The following TEC variants were observed in gnomAD, a reference collection of about 807,000 sequenced individuals.
TEC encodes the protein tec protein tyrosine kinase.
TEC carries 72 observed loss-of-function variants against 93.0 expected under a neutral mutation model. The observed-to-expected ratio is 0.77, with a 90% CI of 0.64 to 0.94. TEC has a LOEUF of 0.94. Ranked by LOEUF, TEC falls within the 40% of genes least tolerant of loss-of-function variation. TEC has a pLI of 0.00. For missense variants in TEC, 630 were observed against 757.9 expected, an observed-to-expected ratio of 0.83 and a Z score of 1.98; for synonymous variants, 249 against 247.7, an observed-to-expected ratio of 1.01 and a Z score of -0.05.
At chr4:48,176,221 A>G (rs1161554659) in intron 2 of TEC, 35 bp from the exon 3 acceptor site, 1 of 1,503,954 alleles carries the variant, frequency 6.6e-7, no homozygotes, top group Non-Finnish European at 9.2e-7. Flanking sequence ...CATTAGAATC[A>G]TAAGACATAA....
Position 48,238,250 on chromosome 4 carries a change from C to A in TEC, c.-45-9591G>T, listed in dbSNP as rs181985427. ...CACTGTACACCTCTGTCTTCCTGAG[C>A]TATTAAACAAAAGCACCATGTGATA... On this transcript the variant is annotated intron_variant, in intron 1 of 17. Coordinates refer to ENST00000381501, the MANE Select transcript of TEC (RefSeq NM_003215.3). Among the ~76,000 whole-genome samples the A allele has an allele frequency of 3.9e-5, 6 of 152,264 alleles. No individual in the cohort carries two copies. In the East Asian group the frequency reaches 1.2e-3, roughly 29 times the overall value.
intron 2 of TEC, among the ~76,000 whole-genome samples, chr4:48,180,129 C>T (rs566284030): frequency 3.9e-5 from 6 of 152,230 alleles, no homozygotes; most frequent in East Asian, 1.9e-4. Flanking sequence ...ATATCCTGTA[C>T]GGTTAGGCTG....
At chr4:48,267,617 G>A (rs6447625) in intron 1 of TEC, among the ~76,000 whole-genome samples, 70,115 of 152,096 alleles carry the variant, frequency 0.46, 17,422 homozygotes, top group East Asian at 0.57. Flanking sequence ...TGGCCCCCAA[G>A]ACTGTTGATC....
intron 9 of TEC, among the ~76,000 whole-genome samples, chr4:48,152,161 C>T (rs1720198847): frequency 6.6e-6 from 1 of 152,170 alleles, no homozygotes; most frequent in Non-Finnish European, 1.5e-5. Flanking sequence ...CACAGCGGCT[C>T]ATACCTGTAA....
chr4:48,151,327 T>C (rs1720155623), intron 9 of TEC, among the ~76,000 whole-genome samples: 1 of 152,182 alleles, frequency 6.6e-6, no homozygotes. Flanking sequence ...AATGATTGGG[T>C]TTCATTTCAT....
chr4:48,146,513 T>C (rs1002791356), intron 11 of TEC, 114 bp from the exon 12 acceptor site: 14 of 900,684 alleles, frequency 1.6e-5, no homozygotes, highest in African/African-American at 3.3e-5. Context: ...CTGCTCATCC[T>C]CTGTGTGTAC....
intron 1 of TEC, among the ~76,000 whole-genome samples, chr4:48,254,620 C>G (rs1444064659): frequency 1.3e-5 from 2 of 152,270 alleles, no homozygotes; most frequent in South Asian, 2.1e-4. Flanking sequence ...TCCGCCTACA[C>G]TGGCTGAGAT....
chr4:48,149,806 G>T, intron 10 of TEC, 116 bp from the exon 11 acceptor site: 1 of 1,015,260 alleles, frequency 9.8e-7, no homozygotes, highest in Non-Finnish European at 1.3e-6. Flanking sequence ...TCTATTCCTG[G>T]CACAAATTTT....
chr4:48,235,119 T>C lies in TEC; in HGVS notation c.-45-6460A>G, dbSNP rs1723751021. Among the ~76,000 whole-genome samples, 3 of 152,098 alleles carry C rather than the reference T, an allele frequency of 2.0e-5. No individual in the cohort carries two copies. In the South Asian group the frequency reaches 6.2e-4, roughly 32 times the overall value. Reference sequence around the variant, plus strand: ...GTAACATCAAGTTACTTCAGGTTACTTTTTTTGGTAAAGATTAAAACAGAG... The same window carrying C: ...GTAACATCAAGTTACTTCAGGTTACCTTTTTTGGTAAAGATTAAAACAGAG... On this transcript the variant is annotated intron_variant, in intron 1 of 17. Coordinates refer to ENST00000381501, the MANE Select transcript of TEC (RefSeq NM_003215.3).
intron 5 of TEC, among the ~76,000 whole-genome samples, chr4:48,168,831 C>G (rs939533541): frequency 1.3e-5 from 2 of 152,160 alleles, no homozygotes; most frequent in Non-Finnish European, 2.9e-5. Context: ...TTCTGCCTTT[C>G]TGAACGCACA....
Position 48,145,189 on chromosome 4 carries a change from G to A in TEC, c.1360C>T (p.Leu454Phe). 6.2e-7 allele frequency: 1 copy of A among 1,614,062 alleles called. No homozygotes were observed. Among genetic ancestry groups the A allele is most frequent in the Non-Finnish European group, 8.5e-7 (1 of 1,180,006 alleles). Residue 454 changes from leucine to phenylalanine, a missense_variant, in exon 14 of 18, where the codon CTC (leucine) becomes TTC (phenylalanine). Transcript: ENST00000381501. ...CTGAAATGACCTTGTCTCTGTCGGAGGAAATTCAGAAGGCAGCCCCTTTCC... is the reference window on the plus strand; with the variant it reads ...CTGAAATGACCTTGTCTCTGTCGGAAGAAATTCAGAAGGCAGCCCCTTTCC... ...FMERGCLLNF[L>F]RQRQGHFSRD... is the part of the protein sequence containing the mutation.
chr4:48,166,604 TA>T lies in TEC; in HGVS notation c.671+1173del, dbSNP rs1720881994. On this transcript the variant is annotated intron_variant, in intron 7 of 17. Transcript: ENST00000381501. ...ATATTCTAGAAAAAAATGGAAGGATTAGACTGGCAAAATGTTGGTAATTTTT... is the reference window on the plus strand; with the variant it reads ...ATATTCTAGAAAAAAATGGAAGGATTGACTGGCAAAATGTTGGTAATTTTT... Among the ~76,000 whole-genome samples the T allele has an allele frequency of 3.9e-5, 6 of 151,982 alleles. No homozygotes were observed. The South Asian group carries it at 1.2e-3, about 32-fold the overall frequency.
Position 48,179,376 on chromosome 4 carries a change from A to ATTTTT in TEC, c.139-3195_139-3191dup, listed in dbSNP as rs1159156668. Among the ~76,000 whole-genome samples, 16 of 21,162 alleles carry ATTTTT rather than the reference A, an allele frequency of 7.6e-4. 1 individual carries two copies. Among genetic ancestry groups the ATTTTT allele is most frequent in the South Asian group, 5.8e-3 (2 of 344 alleles). The allele number at this position is 21,162 out of a possible 152,430, so 13.9% of individuals were successfully genotyped here. A position where few individuals can be genotyped will look rare whatever the true frequency, so the allele number is the denominator to read the frequency against. ...TATATATATATATATATATATATATATTTTTTTTTTTTTTTTTTTTTTTTC... is the reference window on the plus strand; with the variant it reads ...TATATATATATATATATATATATATATTTTTTTTTTTTTTTTTTTTTTTTTTTTTC... On this transcript the variant is annotated intron_variant, in intron 2 of 17. Coordinates refer to ENST00000381501, the MANE Select transcript of TEC (RefSeq NM_003215.3).
At chr4:48,203,426 C>T (rs191885503) in intron 2 of TEC, among the ~76,000 whole-genome samples, 95 of 152,268 alleles carry the variant, frequency 6.2e-4, no homozygotes, top group Non-Finnish European at 3.4e-4. Flanking sequence ...TTTGCTCATT[C>T]TCAGAACTGT....
chr4:48,232,925 CAGA>C (rs1454899596), intron 1 of TEC, among the ~76,000 whole-genome samples: 1 of 152,204 alleles, frequency 6.6e-6, no homozygotes, highest in African/African-American at 2.4e-5. Context: ...GGAATTAAAG[CAGA>C]AGAATTGTTG....
At chr4:48,140,130 TC>T in intron 15 of TEC, among the ~76,000 whole-genome samples, 1 of 152,220 alleles carries the variant, frequency 6.6e-6, no homozygotes, top group Non-Finnish European at 1.5e-5. Context: ...GAAGTTCTGG[TC>T]CCATTTCTGA....
chr4:48,138,113 A>G (rs1033994453), intron 17 of TEC, among the ~76,000 whole-genome samples: 3 of 152,210 alleles, frequency 2.0e-5, no homozygotes, highest in Non-Finnish European at 4.4e-5. Context: ...TCTCATCTAC[A>G]GAGTGGCTAC....
At chr4:48,226,119 G>A (rs2109635197) in intron 2 of TEC, among the ~76,000 whole-genome samples, 2 of 152,070 alleles carry the variant, frequency 1.3e-5, no homozygotes, top group South Asian at 4.2e-4. Flanking sequence ...AACCAAAAGG[G>A]GTACTTTAAA....
chr4:48,168,027 G>A, intron 6 of TEC, 74 bp from the exon 7 acceptor site: 2 of 1,343,136 alleles, frequency 1.5e-6, no homozygotes, highest in Non-Finnish European at 2.1e-6. Flanking sequence ...CACTAAATGA[G>A]TCATACATCA....
Sources: allele counts gnomAD v4.1 joint callset (sites outside exome capture counted in the v4.1 genomes callset), GRCh38; gene constraint gnomAD v4.1.1; transcripts MANE v1.5; gene names NCBI Gene and HGNC (gene_info 2026-07-23, HGNC 2026-07-21).